The following STX8 variants were observed in gnomAD, a reference collection of about 807,000 sequenced individuals.
STX8 encodes syntaxin 8.
STX8 carries 23 observed loss-of-function variants against 37.5 expected under a neutral mutation model. The observed-to-expected ratio is 0.61, with a 90% CI of 0.44 to 0.87. The LOEUF is 0.87. STX8 is among the 40% of genes least tolerant of loss of function. The pLI is 0.00. For missense variants in STX8, 313 were observed against 284.7 expected, an observed-to-expected ratio of 1.10 and a Z score of -0.71; for synonymous variants, 115 against 99.1, an observed-to-expected ratio of 1.16 and a Z score of -0.95.
chr17:9,444,229 TCCTCCCACTTTGG>T, intron 6 of STX8, among the ~76,000 whole-genome samples: 1 of 152,242 alleles, frequency 6.6e-6, no homozygotes, highest in Middle Eastern at 3.4e-3. Context: ...CCTCGAGCGG[TCCTCCCACTTTGG>T]CCTCCCAAAG....
intron 6 of STX8, among the ~76,000 whole-genome samples, chr17:9,455,871 A>C (rs186892108): frequency 6.6e-5 from 10 of 152,276 alleles, no homozygotes; most frequent in Admixed American, 5.9e-4. Flanking sequence ...ACTTGCTACT[A>C]TAAGGGGGAG....
At chr17:9,267,493 C>G (rs960967218) in intron 7 of STX8, among the ~76,000 whole-genome samples, 26 of 152,290 alleles carry the variant, frequency 1.7e-4, no homozygotes, top group Admixed American at 1.6e-3. Flanking sequence ...TGTGTGACAC[C>G]ACAGCACGAG....
intron 7 of STX8, among the ~76,000 whole-genome samples, chr17:9,258,855 G>T (rs188338551): frequency 6.6e-6 from 1 of 152,088 alleles, no homozygotes; most frequent in Non-Finnish European, 1.5e-5. Flanking sequence ...TTTTCCACCC[G>T]CCCCAGGGCA....
intron 6 of STX8, among the ~76,000 whole-genome samples, chr17:9,397,837 A>G (rs1912458972): frequency 6.6e-6 from 1 of 151,836 alleles, no homozygotes; most frequent in African/African-American, 2.4e-5. Flanking sequence ...AAAGAAAAAA[A>G]ATTAGCCAGG....
chr17:9,431,004 GGTT>G (rs1913945358), intron 6 of STX8, among the ~76,000 whole-genome samples: 1 of 140,952 alleles, frequency 7.1e-6, no homozygotes, highest in Non-Finnish European at 1.5e-5. Context: ...GGGTAGCAGG[GGTT>G]TTTTTGTTGT....
At chr17:9,410,363 T>C (rs138004529) in intron 6 of STX8, among the ~76,000 whole-genome samples, 404 of 152,372 alleles carry the variant, frequency 2.7e-3, no homozygotes, top group Non-Finnish European at 4.2e-3. Flanking sequence ...ATTGTACGTT[T>C]CCTTCCTTAA....
At chr17:9,423,331 C>T (rs1019674468) in intron 6 of STX8, among the ~76,000 whole-genome samples, 1 of 152,032 alleles carries the variant, frequency 6.6e-6, no homozygotes, top group Non-Finnish European at 1.5e-5. Context: ...TTTTTGTTGT[C>T]GTTGTTTTTT....
In STX8 at chr17:9,252,963, G is replaced by A. The variant is rs541895423; in HGVS notation, c.644-2318C>T. Among the ~76,000 whole-genome samples the A allele has an allele frequency of 1.2e-4, 18 of 152,204 alleles. 1 individual carries two copies. Among genetic ancestry groups the A allele is most frequent in the Admixed American group, 8.5e-4 (13 of 15,282 alleles). On this transcript the variant is annotated intron_variant, in intron 7 of 7. Transcript: ENST00000306357. ...GTCTGTGGTCTGCACAGCCTAAACC[G>A]TTTACGACCTGGCCTCTTCCAGAGG...
intron 6 of STX8, among the ~76,000 whole-genome samples, chr17:9,433,908 A>C (rs1597669773): frequency 6.6e-6 from 1 of 152,300 alleles, no homozygotes; most frequent in Admixed American, 6.5e-5. Flanking sequence ...GGAGAACAGC[A>C]CAGAAGAAGG....
intron 7 of STX8, among the ~76,000 whole-genome samples, chr17:9,301,648 A>AT (rs1208200549): frequency 1.5e-5 from 2 of 133,890 alleles, no homozygotes; most frequent in Non-Finnish European, 3.1e-5. Flanking sequence ...ATGTCCGGCC[A>AT]TTTTTGTTTT....
At chr17:9,399,738 T>A (rs1912534142) in intron 6 of STX8, among the ~76,000 whole-genome samples, 1 of 151,310 alleles carries the variant, frequency 6.6e-6, no homozygotes, top group South Asian at 2.1e-4. Context: ...TGGCGGTGCG[T>A]GCCTGTAATC....
At chr17:9,472,205 G>A (rs1438561059) in intron 6 of STX8, among the ~76,000 whole-genome samples, 1 of 152,062 alleles carries the variant, frequency 6.6e-6, no homozygotes, top group Non-Finnish European at 1.5e-5. Flanking sequence ...GTGTCCACTG[G>A]TCATCCCTCT....
intron 6 of STX8, among the ~76,000 whole-genome samples, chr17:9,383,922 A>G (rs982998085): frequency 5.9e-5 from 9 of 152,188 alleles, no homozygotes; most frequent in Non-Finnish European, 1.0e-4. Context: ...TAAGACCTCT[A>G]TAATAAAAAC....
intron 7 of STX8, among the ~76,000 whole-genome samples, chr17:9,332,096 T>C (rs1230445698): frequency 6.6e-6 from 1 of 152,194 alleles, no homozygotes. Flanking sequence ...GACCTTCATT[T>C]TGTTGTTTCT....
At chr17:9,387,636 G>T (rs766888401) in intron 6 of STX8, among the ~76,000 whole-genome samples, 4 of 152,292 alleles carry the variant, frequency 2.6e-5, no homozygotes, top group Middle Eastern at 3.4e-3. Context: ...TCTCTATCAA[G>T]ACAGTCCACA....
At chr17:9,417,121 G>A (rs1424530309) in intron 6 of STX8, among the ~76,000 whole-genome samples, 1 of 152,058 alleles carries the variant, frequency 6.6e-6, no homozygotes, top group African/African-American at 2.4e-5. Context: ...AACTATCCTT[G>A]AAAAACCAAG....
chr17:9,335,353 C>T (rs563713463), intron 7 of STX8, among the ~76,000 whole-genome samples: 95 of 152,256 alleles, frequency 6.2e-4, no homozygotes, highest in African/African-American at 2.0e-3. Context: ...ATTTCTTTTG[C>T]GGCACTGAAA....
chr17:9,481,575 G>T (rs780696172), intron 6 of STX8, among the ~76,000 whole-genome samples: 1 of 152,140 alleles, frequency 6.6e-6, no homozygotes, highest in Non-Finnish European at 1.5e-5. Flanking sequence ...CACCAGGAGG[G>T]TCAAGTGGGA....
intron 7 of STX8, among the ~76,000 whole-genome samples, chr17:9,258,342 G>A (rs1182554893): frequency 1.3e-5 from 2 of 152,196 alleles, no homozygotes; most frequent in Non-Finnish European, 2.9e-5. Flanking sequence ...GCAAATACAC[G>A]AAGAAAAGAG....
Sources: allele counts gnomAD v4.1 joint callset (sites outside exome capture counted in the v4.1 genomes callset), GRCh38; gene constraint gnomAD v4.1.1; transcripts MANE v1.5; gene names NCBI Gene and HGNC (gene_info 2026-07-23, HGNC 2026-07-21).